Variants in ANK1 observed in about 807,000 individuals in gnomAD.
The protein encoded by ANK1 is ankyrin 1.
ANK1 carries 51 observed loss-of-function variants against 210.4 expected under a neutral mutation model. The ratio of observed to expected loss-of-function variants is 0.24; its 90% CI spans 0.19 to 0.31. The LOEUF (loss-of-function observed/expected upper bound fraction) is 0.31. Among genes scored for constraint, ANK1 ranks in the 10% least tolerant of loss-of-function variants. The pLI is 1.00. For missense variants in ANK1, 2,051 were observed against 2,504.4 expected (o/e 0.82, Z 3.86); for synonymous variants, 967 against 1,025.9 (o/e 0.94, Z 1.10).
chr8:41,760,336 T>C (rs1027840123), intron 1 of ANK1, among the ~76,000 whole-genome samples: 4 of 152,038 alleles, frequency 2.6e-5, no homozygotes, highest in African/African-American at 9.7e-5. Flanking sequence ...TCTCATGAGA[T>C]CTGATAGTTT....
At chr8:41,759,123 A>G (rs1236356313) in intron 1 of ANK1, among the ~76,000 whole-genome samples, 1 of 152,204 alleles carries the variant, frequency 6.6e-6, no homozygotes. Flanking sequence ...TTAGCACTTT[A>G]CATATACAGT....
At chr8:41,675,518 G>A (rs368390912) in intron 37 of ANK1, among the ~76,000 whole-genome samples, 20 of 152,260 alleles carry the variant, frequency 1.3e-4, no homozygotes, top group South Asian at 6.2e-4. Context: ...AGCAACTTGC[G>A]GAAGGCCATA....
chr8:41,749,077 A>G (rs1409162721), intron 2 of ANK1, among the ~76,000 whole-genome samples: 5 of 151,918 alleles, frequency 3.3e-5, no homozygotes, highest in Non-Finnish European at 7.4e-5. Context: ...ACGGACAAAA[A>G]CATCTCCTGT....
At chr8:41,813,285 G>C (rs77665769) in intron 1 of ANK1, among the ~76,000 whole-genome samples, 10 of 152,274 alleles carry the variant, frequency 6.6e-5, no homozygotes, top group Non-Finnish European at 1.3e-4. Context: ...TTCAGCTTGC[G>C]GGGCTTCTGG....
At position 41,694,759 on chromosome 8, in the gene ANK1, T is replaced by G; in HGVS notation, c.3160A>C (p.Ile1054Leu). 1 of 1,614,158 alleles carries G rather than the reference T, an allele frequency of 6.2e-7. No individual in the cohort carries two copies. The highest frequency in any genetic ancestry group is 1.3e-5 in the African/African-American group (1 of 75,042). The part of the protein sequence containing the change: ...EELEKKRVCR[I>L]ITTDFPLYFV... ...TACAGCGGGAAGTCGGTGGTGATGA[T>G]TCGGCACACCCTCTTCTTCTCTAGC... is the stretch of plus-strand genomic sequence containing the variant. The change falls in exon 28 of 43, where the codon ATC becomes CTC. Residue 1054 changes from isoleucine (I) to leucine (L), a missense_variant. Physicochemically the swap from Ile to Leu is conservative, Grantham distance 5. Transcript: ENST00000289734. This position sits in a 1 kb window ranked among gnomAD's most constrained non-coding sequence, Gnocchi z 5.7.
chr8:41,686,753 T>A (rs1275258794), intron 35 of ANK1, among the ~76,000 whole-genome samples: 1 of 152,218 alleles, frequency 6.6e-6, no homozygotes, highest in African/African-American at 2.4e-5. Flanking sequence ...CCTGAGCTTA[T>A]GCGTCTTCAG....
rs755304771 is a variant in ANK1, at chr8:41,672,780, T to C, written c.4670A>G (p.His1557Arg). The C allele has an allele frequency of 1.2e-6, 2 of 1,603,932 alleles. No individual in the cohort carries two copies. The highest frequency in any genetic ancestry group is 1.7e-5 in the Admixed American group (1 of 59,616). Reference sequence around the variant, plus strand: ...GTCAGACATCTCCAGCATGGTGTCATGCTCCGTGGCCGCCAAGGGGATGGC... The same window carrying C: ...GTCAGACATCTCCAGCATGGTGTCACGCTCCGTGGCCGCCAAGGGGATGGC... ...LDAIPLAATE[H>R]DTMLEMSDMQ... The change falls in exon 38 of 43, where the codon CAT becomes CGT. Residue 1557 changes from histidine (H) to arginine (R), a missense_variant. Physicochemically the swap from His to Arg is conservative, Grantham distance 29. Coordinates refer to ENST00000289734, the MANE Select transcript of ANK1 (RefSeq NM_000037.4).
At chr8:41,889,233 A>C (rs1818979513) in intron 1 of ANK1, among the ~76,000 whole-genome samples, 1 of 152,190 alleles carries the variant, frequency 6.6e-6, no homozygotes, top group African/African-American at 2.4e-5. Context: ...TGGGGGAAGT[A>C]GCCTAGTGCT....
Position 41,741,318 on chromosome 8 carries a change from C to G in ANK1, c.130-7249G>C, listed in dbSNP as rs973378789. 2.6e-5 allele frequency among the ~76,000 whole-genome samples: 4 copies of G among 152,170 alleles called. 1 individual carries two copies. The highest frequency in any genetic ancestry group is 1.3e-4 in the Admixed American group (2 of 15,278). On this transcript the variant is annotated intron_variant, in intron 2 of 42. Transcript: ENST00000289734. Reference sequence around the variant, plus strand: ...GGTCACCTCCTACACACCTGGCTGTCGAGGGGGCCTCCTCTGGCTCCTGAC... The same window carrying G: ...GGTCACCTCCTACACACCTGGCTGTGGAGGGGGCCTCCTCTGGCTCCTGAC...
upstream of ANK1, among the ~76,000 whole-genome samples, chr8:41,799,754 G>A (rs1412093075): frequency 3.9e-5 from 6 of 152,110 alleles, no homozygotes; most frequent in African/African-American, 1.4e-4. Context: ...GGCAACACAA[G>A]GCTCCTCTCC....
In ANK1 at chr8:41,756,443, CTATTT is replaced by C. The variant is rs375094750; in HGVS notation, c.129+1588_129+1592del. Among the ~76,000 whole-genome samples the C allele has an allele frequency of 4.6e-3, 680 of 148,150 alleles. 5 individuals carry two copies. Among genetic ancestry groups the C allele is most frequent in the African/African-American group, 0.016 (655 of 39,914 alleles). On this transcript the variant is annotated intron_variant, in intron 2 of 42. Transcript: ENST00000289734. ...ACAGGTGTGAGCCACCGCGCCCGGT[CTATTT>C]TATTTTATTTCTGAGATGGAGTCTC... is the stretch of plus-strand genomic sequence containing the variant.
At chr8:41,679,419 C>T (rs975507800) in intron 37 of ANK1, among the ~76,000 whole-genome samples, 20 of 152,012 alleles carry the variant, frequency 1.3e-4, no homozygotes, top group Admixed American at 9.8e-4. Flanking sequence ...GAACAAAGGC[C>T]GTGAGAGATC....
chr8:41,741,194 G>A (rs2150685174), intron 2 of ANK1, among the ~76,000 whole-genome samples: 1 of 152,260 alleles, frequency 6.6e-6, no homozygotes, highest in Admixed American at 6.5e-5. Context: ...AAAAATAAAG[G>A]TGAGAGGGTC....
At chr8:41,896,565 G>A (rs1820567229) in exon 1 of ANK1, 1 of 1,497,248 alleles carries the variant, frequency 6.7e-7, no homozygotes, top group East Asian at 2.7e-5. Context: ...GAAGGGGAAG[G>A]GGGTCTCTGC....
At chr8:41,766,793 C>T (rs1735893935) in intron 1 of ANK1, among the ~76,000 whole-genome samples, 1 of 152,234 alleles carries the variant, frequency 6.6e-6, no homozygotes, top group South Asian at 2.1e-4. Flanking sequence ...TCCAGGCTTG[C>T]CAGGGCGCCC....
At chr8:41,748,090 C>T (rs541360494) in intron 2 of ANK1, among the ~76,000 whole-genome samples, 5 of 152,258 alleles carry the variant, frequency 3.3e-5, no homozygotes, top group South Asian at 4.2e-4. Context: ...CTCAGGGTGA[C>T]GTCAGCATTA....
intron 1 of ANK1, among the ~76,000 whole-genome samples, chr8:41,806,282 G>A (rs1850955004): frequency 6.6e-6 from 1 of 152,142 alleles, no homozygotes; most frequent in Admixed American, 6.5e-5. Context: ...CTCATTTTGA[G>A]AATAAAATGG....
chr8:41,823,207 T>C (rs535064609), intron 1 of ANK1, among the ~76,000 whole-genome samples: 1 of 152,248 alleles, frequency 6.6e-6, no homozygotes, highest in East Asian at 1.9e-4. Flanking sequence ...ATTTTCCTTC[T>C]AGCGGGTAGC....
chr8:41,672,766 C>T lies in ANK1; in HGVS notation c.4684G>A (p.Glu1562Lys), dbSNP rs1812821807. 8 of 1,602,852 alleles carry T rather than the reference C, an allele frequency of 5.0e-6. No individual in the cohort carries two copies. Among genetic ancestry groups the T allele is most frequent in the Non-Finnish European group, 6.8e-6 (8 of 1,172,976 alleles). Reference sequence around the variant, plus strand: ...GACCACACCTGCATGTCAGACATCTCCAGCATGGTGTCATGCTCCGTGGCC... The same window carrying T: ...GACCACACCTGCATGTCAGACATCTTCAGCATGGTGTCATGCTCCGTGGCC... Reference protein sequence around the residue: ...LAATEHDTMLEMSDMQVWSAG... With the variant: ...LAATEHDTMLKMSDMQVWSAG... The change falls in exon 38 of 43, where the codon GAG becomes AAG. Residue 1562 changes from glutamate (E) to lysine (K), a missense_variant. By Grantham distance (56) the Glu-to-Lys change is moderately conservative. Around this residue, in one of 6 missense-constraint regions of ANK1, gnomAD observed 496 missense variants for 533.4 expected, o/e 0.93. Transcript: ENST00000289734.
Sources: gnomAD v4.1 joint callset for allele counts (sites outside exome capture counted in the v4.1 genomes callset) on GRCh38, gnomAD v4.1.1 for gene constraint, gnomAD v4.1.1 regional missense constraint, Gnocchi (gnomAD v3.1) non-coding constraint, MANE v1.5 for transcripts, NCBI Gene and HGNC (gene_info 2026-07-23, HGNC 2026-07-21) for gene names.